GAPDH: variants seen among roughly 807,000 people sequenced by gnomAD.
GAPDH encodes the protein OCAS, p38 component.
In GAPDH, 13 loss-of-function variants were observed where a neutral mutation model predicts 31.2. That is an observed-to-expected ratio of 0.42 (90% CI 0.27 to 0.66). GAPDH has a LOEUF of 0.66. Ranked by LOEUF, GAPDH falls within the 30% of genes least tolerant of loss-of-function variation. The pLI is 0.26. For synonymous variants in GAPDH, 211 were observed against 166.9 expected (o/e 1.26, Z -2.04); for missense variants, 300 against 443.7 (o/e 0.68, Z 2.91).
chr12:6,536,830 G>A (rs1592186042), intron 4 of GAPDH, 40 bp downstream of exon 4: 1 of 1,594,462 alleles, frequency 6.3e-7, no homozygotes, highest in Non-Finnish European at 8.6e-7. Flanking sequence ...GCTTTGGGGA[G>A]GCAACTAGGA....
Position 6,537,759 on chromosome 12 carries a change from G to A in GAPDH, c.701G>A (p.Arg234His), listed in dbSNP as rs1211126132. The A allele has an allele frequency of 3.1e-6, 5 of 1,611,610 alleles. No homozygotes were observed. Among genetic ancestry groups the A allele is most frequent in the Admixed American group, 1.7e-5 (1 of 59,992 alleles). The change falls in exon 8 of 9, where the codon CGT becomes CAT. Residue 234 changes from arginine (R) to histidine (H), a missense_variant. Transcript: ENST00000229239. This position sits in a 1 kb window ranked among gnomAD's most constrained non-coding sequence, Gnocchi z 4.9. ...LNGKLTGMAF[R>H]VPTANVSVVD... ...GGGAAGCTCACTGGCATGGCCTTCCGTGTCCCCACTGCCAACGTGTCAGTG... is the reference window on the plus strand; with the variant it reads ...GGGAAGCTCACTGGCATGGCCTTCCATGTCCCCACTGCCAACGTGTCAGTG...
chr12:6,536,835 C>CTAGGA lies in GAPDH; in HGVS notation c.236+47_236+51dup, dbSNP rs1305181643. ...GAAGAAATGTGCTTTGGGGAGGCAA[C>CTAGGA]TAGGATGGTGTGGCTCCCTTGGGTA... On this transcript the variant is annotated intron_variant, in intron 4 of 8. Coordinates refer to ENST00000229239, the MANE Select transcript of GAPDH (RefSeq NM_002046.7). 6.3e-6 allele frequency: 10 copies of CTAGGA among 1,583,362 alleles called. 1 individual carries two copies. The Admixed American group carries it at 6.7e-5, about 11-fold the overall frequency.
rs576651948 is a variant in GAPDH at position 6,537,031 on chromosome 12, G to A, written c.327+21G>A. 4.3e-5 allele frequency: 69 copies of A among 1,609,002 alleles called. No homozygotes were observed. The East Asian group carries it at 8.7e-4, about 20-fold the overall frequency. On this transcript the variant is annotated intron_variant, in intron 5 of 8. Transcript: ENST00000229239. This position sits in a 1 kb window ranked among gnomAD's most constrained non-coding sequence, Gnocchi z 4.9. ...CTGGGGTGAGTGCAGGAGGGCCCGC[G>A]GGAGGGGAAGCTGACTCAGCCCTGC... is the stretch of plus-strand genomic sequence containing the variant.
At chr12:6,536,144 C>T (rs993587098) in intron 2 of GAPDH, among the ~76,000 whole-genome samples, 13 of 152,212 alleles carry the variant, frequency 8.5e-5, no homozygotes, top group Admixed American at 7.9e-4. Flanking sequence ...AAGGGTGCAG[C>T]TGAGCTAGGC....
At position 6,537,895 on chromosome 12, in the gene GAPDH, C is replaced by G. The variant is rs779733019; in HGVS notation, c.837C>G (p.His279Gln). ...AGGGCATCCTGGGCTACACTGAGCACCAGGTGGTCTCCTCTGACTTCAACA... is the reference window on the plus strand; with the variant it reads ...AGGGCATCCTGGGCTACACTGAGCAGCAGGTGGTCTCCTCTGACTTCAACA... ...PLKGILGYTEHQVVSSDFNSD... is the reference protein window; with the variant it reads ...PLKGILGYTEQQVVSSDFNSD... The change falls in exon 8 of 9, where the codon CAC becomes CAG. Residue 279 changes from histidine to glutamine, a missense_variant. Coordinates refer to ENST00000229239, the MANE Select transcript of GAPDH (RefSeq NM_002046.7). The surrounding 1 kb of genome is among the most constrained non-coding windows in gnomAD (Gnocchi z 4.9). The G allele has an allele frequency of 8.1e-6, 13 of 1,613,926 alleles. No homozygotes were observed. Among genetic ancestry groups the G allele is most frequent in the Non-Finnish European group, 1.1e-5 (13 of 1,180,030 alleles).
At chr12:6,535,838 C>T (rs918991064) in intron 2 of GAPDH, among the ~76,000 whole-genome samples, 7 of 152,342 alleles carry the variant, frequency 4.6e-5, no homozygotes, top group Middle Eastern at 3.4e-3. Context: ...CTTTCTGTAG[C>T]TGGGGGCCTG....
Position 6,536,529 on chromosome 12 carries a change from C to CT in GAPDH, c.69dup (p.Asn24Ter). On this transcript the variant is annotated frameshift_variant, in exon 3 of 9. Coordinates refer to ENST00000229239, the MANE Select transcript of GAPDH (RefSeq NM_002046.7). LOFTEE classifies it high-confidence loss of function. ...ATTGGGCGCCTGGTCACCAGGGCTG[C>CT]TTTTAACTCTGGTAAAGTGGATATT... 6.2e-7 allele frequency: 1 copy of CT among 1,613,796 alleles called. No individual in the cohort carries two copies. The highest frequency in any genetic ancestry group is 8.5e-7 in the Non-Finnish European group (1 of 1,179,986).
Position 6,538,091 on chromosome 12 carries a change from C to T in GAPDH, c.939-10C>T, listed in dbSNP as rs755757997. The stretch of plus-strand genomic sequence containing the variant: ...GAAAAAGGGCCCTGACAACTCTTTT[C>T]ATCTTCTAGGTATGACAACGAATTT... On this transcript the variant is annotated splice_polypyrimidine_tract_variant and intron_variant, in intron 8 of 8. Coordinates refer to ENST00000229239, the MANE Select transcript of GAPDH (RefSeq NM_002046.7). 1 of 1,596,982 alleles carries T rather than the reference C, an allele frequency of 6.3e-7. No homozygotes were observed. The highest frequency in any genetic ancestry group is 1.2e-5 in the South Asian group (1 of 84,678).
At chr12:6,535,793 C>T (rs553691859) in intron 2 of GAPDH, among the ~76,000 whole-genome samples, 47 of 152,284 alleles carry the variant, frequency 3.1e-4, no homozygotes, top group African/African-American at 1.1e-3. Flanking sequence ...GATCTCCCAC[C>T]GCACCCTGGT....
chr12:6,536,402 A>C lies in GAPDH; in HGVS notation c.30-92A>C, dbSNP rs181167499. On this transcript the variant is annotated intron_variant, in intron 2 of 8. Coordinates refer to ENST00000229239, the MANE Select transcript of GAPDH (RefSeq NM_002046.7). ...CCTCCTGGGGGTAAGGAGATGCTGC[A>C]TTCGCCCTCTTAATGGGGAGGTGGC... is the stretch of plus-strand genomic sequence containing the variant. 5.4e-4 allele frequency: 488 copies of C among 900,280 alleles called. 3 individuals are homozygous for C. The highest frequency in any genetic ancestry group is 5.4e-3 in the African/African-American group (328 of 61,278). The allele number at this position is 900,280 out of a possible 1,614,324, so 55.8% of individuals were successfully genotyped here. A position where few individuals can be genotyped will look rare whatever the true frequency, so the allele number is the denominator to read the frequency against.
At position 6,537,554 on chromosome 12, in the gene GAPDH, G is replaced by A; in HGVS notation, c.526-30G>A. The A allele has an allele frequency of 6.2e-7, 1 of 1,600,498 alleles. No individual in the cohort carries two copies. The highest frequency in any genetic ancestry group is 8.5e-7 in the Non-Finnish European group (1 of 1,172,978). ...GGGAGGTAGAGGGGTGATGTGGGGA[G>A]TACGCTGCAGGGCCTCACTCCTTTT... On this transcript the variant is annotated intron_variant, in intron 7 of 8. Transcript: ENST00000229239. This position sits in a 1 kb window ranked among gnomAD's most constrained non-coding sequence, Gnocchi z 4.9.
Position 6,537,133 on chromosome 12 carries a change from C to T in GAPDH, c.360C>T (p.Ile120=). 6.2e-7 allele frequency: 1 copy of T among 1,613,918 alleles called. No homozygotes were observed. Among genetic ancestry groups the T allele is most frequent in the Non-Finnish European group, 8.5e-7 (1 of 1,179,948 alleles). Residue 120 remains isoleucine, a synonymous_variant, in exon 6 of 9, where the codon ATC becomes ATT. Transcript: ENST00000229239. The surrounding 1 kb of genome is among the most constrained non-coding windows in gnomAD (Gnocchi z 4.9). ...AHLQGGAKRV[I]ISAPSADAPM... ...TGCAGGGGGGAGCCAAAAGGGTCAT[C>T]ATCTCTGCCCCCTCTGCTGATGCCC...
Position 6,537,252 on chromosome 12 carries a change from C to T in GAPDH, c.443+36C>T, listed in dbSNP as rs776540125. The stretch of plus-strand genomic sequence containing the variant: ...CAGGGCCCGTGGAGAAGCGGCCAGC[C>T]TGGCACCCTATGGACACGCTCCCCT... On this transcript the variant is annotated intron_variant, in intron 6 of 8. Transcript: ENST00000229239. The surrounding 1 kb of genome is among the most constrained non-coding windows in gnomAD (Gnocchi z 4.9). 1.9e-6 allele frequency: 3 copies of T among 1,597,212 alleles called. No homozygotes were observed. The highest frequency in any genetic ancestry group is 3.6e-5 in the Admixed American group (2 of 55,866).
At chr12:6,535,268 G>T in intron 2 of GAPDH, 6 of 1,025,060 alleles carry the variant, frequency 5.9e-6, no homozygotes, top group Non-Finnish European at 7.0e-6. Context: ...ATCCCTGTCC[G>T]GATGCTGCGC....
chr12:6,536,870 C>T (rs772613331), intron 4 of GAPDH, 50 bp from the exon 5 acceptor site: 2 of 1,589,262 alleles, frequency 1.3e-6, no homozygotes, highest in South Asian at 1.1e-5. Flanking sequence ...ATATGGTAAC[C>T]TTGTGTCCCT....
At position 6,534,545 on chromosome 12, in the gene GAPDH, G is replaced by T. The variant is rs1346258090; in HGVS notation, c.-48G>T. 3 of 507,008 alleles carry T rather than the reference G, an allele frequency of 5.9e-6. No individual in the cohort carries two copies. The highest frequency in any genetic ancestry group is 1.1e-5 in the Non-Finnish European group (3 of 282,610). The allele number at this position is 507,008 out of a possible 1,614,324, so 31.4% of individuals were successfully genotyped here. On this transcript the variant is annotated 5_prime_UTR_variant, in exon 1 of 9. Transcript: ENST00000229239. ...CTCTGCTCCTCCTGTTCGACAGTCAGCCGCATCTTCTTTTGCGTCGCCAGG... is the reference window on the plus strand; with the variant it reads ...CTCTGCTCCTCCTGTTCGACAGTCATCCGCATCTTCTTTTGCGTCGCCAGG...
chr12:6,535,461 T>A (rs758190990), intron 2 of GAPDH: 11 of 986,580 alleles, frequency 1.1e-5, no homozygotes, highest in Non-Finnish European at 1.3e-5. Context: ...TTTCCTAGAT[T>A]ATTCTCTGGT....
chr12:6,535,327 C>T (rs1425215082), intron 2 of GAPDH: 2 of 996,008 alleles, frequency 2.0e-6, no homozygotes, highest in Non-Finnish European at 2.4e-6. Context: ...AATGAATGGG[C>T]AGCCGTTAGG....
At position 6,537,502 on chromosome 12, in the gene GAPDH, T is replaced by TC; in HGVS notation, c.526-79dup. 1 of 1,583,602 alleles carries TC rather than the reference T, an allele frequency of 6.3e-7. No homozygotes were observed. Among genetic ancestry groups the TC allele is most frequent in the South Asian group, 1.1e-5 (1 of 87,676 alleles). ...GGTTGGGGGTTCTGGGGACTGGCTT[T>TC]CCCATAATTTCCTTTCAAGGTGGGG... On this transcript the variant is annotated intron_variant, in intron 7 of 8. Coordinates refer to ENST00000229239, the MANE Select transcript of GAPDH (RefSeq NM_002046.7). The surrounding 1 kb of genome is among the most constrained non-coding windows in gnomAD (Gnocchi z 4.9).
Sources: gnomAD v4.1 joint callset for allele counts (sites outside exome capture counted in the v4.1 genomes callset) on GRCh38, gnomAD v4.1.1 for gene constraint, Gnocchi (gnomAD v3.1) non-coding constraint, MANE v1.5 for transcripts, NCBI Gene and HGNC (gene_info 2026-07-23, HGNC 2026-07-21) for gene names.